The following LAMA5 variants were observed in gnomAD, a reference collection of about 807,000 sequenced individuals.
LAMA5 encodes the protein laminin subunit alpha-5.
LAMA5 carries 260 observed loss-of-function variants against 433.4 expected under a neutral mutation model. That is an observed-to-expected ratio of 0.60 (90% confidence interval 0.54 to 0.66). LAMA5 has a LOEUF of 0.66. LAMA5 is among the 30% of genes least tolerant of loss of function. LAMA5 has a pLI of 0.00. For missense variants in LAMA5, 5,378 were observed against 5,258.5 expected (o/e 1.02, Z -0.70); for synonymous variants, 2,620 against 2,226.6 (o/e 1.18, Z -4.97).
In LAMA5 at chr20:62,313,081, G is replaced by A. The variant is rs1986503376; in HGVS notation, c.8955+7C>T. On this transcript the variant is annotated splice_region_variant and intron_variant, in intron 65 of 79. Transcript: ENST00000252999. Reference sequence around the variant, plus strand: ...TGGGGATGGCAGGACGGGTGTGCCTGGCGCACCTGCTGCTTCAGGAAGAAG... The same window carrying A: ...TGGGGATGGCAGGACGGGTGTGCCTAGCGCACCTGCTGCTTCAGGAAGAAG... The A allele has an allele frequency of 6.2e-7, 1 of 1,608,758 alleles. No individual in the cohort carries two copies. Among genetic ancestry groups the A allele is most frequent in the Non-Finnish European group, 8.5e-7 (1 of 1,179,038 alleles).
intron 6 of LAMA5, among the ~76,000 whole-genome samples, chr20:62,348,964 G>T (rs970793741): frequency 2.0e-5 from 3 of 152,250 alleles, no homozygotes; most frequent in Admixed American, 1.3e-4. Flanking sequence ...GCCAAGGATG[G>T]TCTTGAATTA....
chr20:62,359,472 TGGGCCTG>T lies in LAMA5; in HGVS notation c.450+2921_450+2927del, dbSNP rs5842387. Among the ~76,000 whole-genome samples, 115,890 of 149,846 alleles carry T rather than the reference TGGGCCTG, an allele frequency of 0.77. 45,008 individuals are homozygous for T. The highest frequency in any genetic ancestry group is 0.89 in the East Asian group (4,474 of 5,014). Reference sequence around the variant, plus strand: ...AGTCATGAACGCGCTCACCCTTCCCTGGGCCTGGGGCCTGGGGCCTGGGGCCTGGGTG... The same window carrying T: ...AGTCATGAACGCGCTCACCCTTCCCTGGGCCTGGGGCCTGGGGCCTGGGTG... On this transcript the variant is annotated intron_variant, in intron 2 of 79. Transcript: ENST00000252999. This position sits in a 1 kb window ranked among gnomAD's most constrained non-coding sequence, Gnocchi z 4.3.
chr20:62,331,920 T>C (rs1980532427), intron 28 of LAMA5, among the ~76,000 whole-genome samples: 1 of 151,974 alleles, frequency 6.6e-6, no homozygotes, highest in Non-Finnish European at 1.5e-5. Context: ...GGCGTGGTGG[T>C]GAGTGCCTAT....
At position 62,320,907 on chromosome 20, in the gene LAMA5, G is replaced by C. The variant is rs1443556016; in HGVS notation, c.6497-17C>G. 7 of 1,599,938 alleles carry C rather than the reference G, an allele frequency of 4.4e-6. No homozygotes were observed. Among genetic ancestry groups the C allele is most frequent in the Non-Finnish European group, 6.0e-6 (7 of 1,172,300 alleles). Reference sequence around the variant, plus strand: ...GGTCACACACTGCAGGCGATGTGGGGTCACAGGTCAGTGTCATTGGGTCAG... The same window carrying C: ...GGTCACACACTGCAGGCGATGTGGGCTCACAGGTCAGTGTCATTGGGTCAG... On this transcript the variant is annotated splice_polypyrimidine_tract_variant and intron_variant, in intron 48 of 79. Transcript: ENST00000252999.
Position 62,337,939 on chromosome 20 carries a change from C to G in LAMA5, c.1892-1G>C, listed in dbSNP as rs1434387191. On this transcript the variant is annotated splice_acceptor_variant, in intron 14 of 79. Coordinates refer to ENST00000252999, the MANE Select transcript of LAMA5 (RefSeq NM_005560.6). LOFTEE classifies it high-confidence loss of function. ...GCTCCCCGAGGGTCGCAGGTGCATG[C>G]TGCAGAGGGACAATGGGGTCAGGCC... is the stretch of plus-strand genomic sequence containing the variant. 8 of 1,608,044 alleles carry G rather than the reference C, an allele frequency of 5.0e-6. No individual in the cohort carries two copies. Among genetic ancestry groups the G allele is most frequent in the South Asian group, 3.3e-5 (3 of 90,554 alleles).
At chr20:62,362,593 G>C (rs377595540) in intron 1 of LAMA5, 41 bp from the exon 2 acceptor site, 37 of 1,443,156 alleles carry the variant, frequency 2.6e-5, no homozygotes, top group South Asian at 4.4e-5. Context: ...GAGAAGGGCC[G>C]GGGCCCCCTT....
At position 62,340,201 on chromosome 20, in the gene LAMA5, C is replaced by A. The variant is rs1438128753; in HGVS notation, c.1478-1593G>T. Among the ~76,000 whole-genome samples, 3 of 149,882 alleles carry A rather than the reference C, an allele frequency of 2.0e-5. No individual in the cohort carries two copies. In the South Asian group the frequency reaches 6.3e-4, roughly 31 times the overall value. On this transcript the variant is annotated intron_variant, in intron 11 of 79. Transcript: ENST00000252999. ...TTGGCAAACCAGAGTCAGAGAGAGA[C>A]AAAGACTGGATGGAGATACATAGGT... is the stretch of plus-strand genomic sequence containing the variant.
rs1353886527 is a variant in LAMA5, at chr20:62,328,953, T to C, written c.4338A>G (p.Thr1446=). Residue 1446 remains threonine (T), a synonymous_variant, in exon 34 of 80, where the codon ACA becomes ACG. Transcript: ENST00000252999. ...RPCGCHEVGA[T]GPTCEPFGGQ... Reference sequence around the variant, plus strand: ...CCCCGAAGGGCTCACACGTGGGGCCTGTAGCACCTACTTCGTGGCAGCCAC... The same window carrying C: ...CCCCGAAGGGCTCACACGTGGGGCCCGTAGCACCTACTTCGTGGCAGCCAC... 3 of 1,612,244 alleles carry C rather than the reference T, an allele frequency of 1.9e-6. No individual in the cohort carries two copies. The highest frequency in any genetic ancestry group is 8.5e-7 in the Non-Finnish European group (1 of 1,179,650).
chr20:62,346,889 A>G, intron 7 of LAMA5, 24 bp downstream of exon 7: 1 of 1,610,240 alleles, frequency 6.2e-7, no homozygotes, highest in Non-Finnish European at 8.5e-7. Context: ...GGCAGGACAC[A>G]CGTGTGTGGG....
chr20:62,363,685 G>A (rs1986410537), intron 1 of LAMA5, among the ~76,000 whole-genome samples: 1 of 152,044 alleles, frequency 6.6e-6, no homozygotes, highest in Admixed American at 6.5e-5. Flanking sequence ...ATCTGAGTTT[G>A]AGAAAGTCAG....
rs777411675 is a variant in LAMA5 at position 62,336,385 on chromosome 20, G to T, written c.2278C>A (p.Pro760Thr). The T allele has an allele frequency of 6.8e-6, 11 of 1,612,456 alleles. No individual in the cohort carries two copies. Among genetic ancestry groups the T allele is most frequent in the Non-Finnish European group, 9.3e-6 (11 of 1,179,822 alleles). The change falls in exon 18 of 80, where the codon CCT becomes ACT. Residue 760 changes from proline (P) to threonine (T), a missense_variant. By Grantham distance (38) the Pro-to-Thr change is conservative. Transcript: ENST00000252999. The part of the protein sequence containing the change: ...VEGPSCDRCK[P>T]GFWGLSPSNP... The stretch of plus-strand genomic sequence containing the variant: ...CTGGGGCTCAGTCCCCAGAACCCAG[G>T]TTTGCAGCGGTCACAGCTCGGCCCC...
In LAMA5 at chr20:62,327,792, G is replaced by T. The variant is rs1043697516; in HGVS notation, c.4797+74C>A. 3.8e-6 allele frequency: 6 copies of T among 1,570,814 alleles called. No individual in the cohort carries two copies. The East Asian group carries it at 1.4e-4, about 35-fold the overall frequency. On this transcript the variant is annotated intron_variant, in intron 36 of 79. Transcript: ENST00000252999. Reference sequence around the variant, plus strand: ...GCTTCTAGGAAGCCCCAGCTGCCCCGAAAGGCCCGTAAGGACACTTTCAGC... The same window carrying T: ...GCTTCTAGGAAGCCCCAGCTGCCCCTAAAGGCCCGTAAGGACACTTTCAGC...
intron 1 of LAMA5, among the ~76,000 whole-genome samples, chr20:62,363,025 G>C (rs1165955014): frequency 6.6e-6 from 1 of 152,134 alleles, no homozygotes; most frequent in East Asian, 1.9e-4. Flanking sequence ...ACCCCTCCCT[G>C]CTGGCCCTGC....
Position 62,312,715 on chromosome 20 carries a change from C to T in LAMA5, c.9144G>A (p.Val3048=). 1.2e-6 allele frequency: 2 copies of T among 1,600,442 alleles called. No individual in the cohort carries two copies. Among genetic ancestry groups the T allele is most frequent in the Non-Finnish European group, 1.7e-6 (2 of 1,174,686 alleles). ...GATCATTGTCCTGCTCCACGCTGTACACCGTGGCCCGCTCCACACGCACCA... is the reference window on the plus strand; with the variant it reads ...GATCATTGTCCTGCTCCACGCTGTATACCGTGGCCCGCTCCACACGCACCA... ...RVLVRVERAT[V]YSVEQDNDLE... is the part of the protein sequence containing the mutation. The change falls in exon 67 of 80, where the codon GTG becomes GTA. Residue 3048 remains valine, a synonymous_variant. Coordinates refer to ENST00000252999, the MANE Select transcript of LAMA5 (RefSeq NM_005560.6).
intron 34 of LAMA5, 51 bp downstream of exon 34, chr20:62,328,793 G>A: frequency 1.3e-6 from 2 of 1,555,578 alleles, no homozygotes; most frequent in African/African-American, 1.4e-5. Context: ...TCCACCTTGG[G>A]CTCTGGCACC....
At chr20:62,320,318 CAAAAAAAA>C (rs60260941) in intron 50 of LAMA5, among the ~76,000 whole-genome samples, 78 of 51,290 alleles carry the variant, frequency 1.5e-3, no homozygotes, top group South Asian at 0.013. Flanking sequence ...AACTGTGTCT[CAAAAAAAA>C]AAAAAAAAAA....
intron 53 of LAMA5, 21 bp from the exon 54 acceptor site, chr20:62,317,799 T>G (rs1306802361): frequency 6.8e-7 from 1 of 1,471,972 alleles, no homozygotes; most frequent in Non-Finnish European, 9.3e-7. Flanking sequence ...TGCAGGGGAG[T>G]TGGGGACAAT....
chr20:62,340,833 G>A (rs1468626784), intron 11 of LAMA5, among the ~76,000 whole-genome samples: 4 of 151,668 alleles, frequency 2.6e-5, no homozygotes, highest in African/African-American at 9.7e-5. Context: ...TCAGGAGTTC[G>A]AGATCAGCCT....
At chr20:62,323,253 G>A (rs994958392) in intron 45 of LAMA5, among the ~76,000 whole-genome samples, 9 of 150,852 alleles carry the variant, frequency 6.0e-5, no homozygotes, top group African/African-American at 1.9e-4. Context: ...TCGCTGGGGC[G>A]GGAGGGCCTG....
Sources: allele counts gnomAD v4.1 joint callset (sites outside exome capture counted in the v4.1 genomes callset), GRCh38; gene constraint gnomAD v4.1.1; non-coding constraint Gnocchi (gnomAD v3.1); transcripts MANE v1.5; gene names NCBI Gene and HGNC (gene_info 2026-07-23, HGNC 2026-07-21).